Variants in TRIM72 observed in about 807,000 individuals in gnomAD.
The protein encoded by TRIM72 is tripartite motif-containing protein 72.
TRIM72 carries 33 observed loss-of-function variants against 31.6 expected under a neutral mutation model. The observed-to-expected ratio is 1.04, with a 90% CI of 0.79 to 1.40. TRIM72 has a LOEUF of 1.40. TRIM72 is among the 40% of genes most tolerant of loss of function. The probability of loss-of-function intolerance (pLI) is 0.00; values close to 1 mark genes in which losing one functional copy is unlikely to be tolerated. For synonymous variants in TRIM72, 301 were observed against 314.4 expected (o/e 0.96, Z 0.45); for missense variants, 666 against 682.7 (o/e 0.98, Z 0.27).
Position 31,215,183 on chromosome 16 carries a change from A to T in TRIM72, c.390+55A>T, listed in dbSNP as rs2079502069. 6 of 1,241,110 alleles carry T rather than the reference A, an allele frequency of 4.8e-6. No individual in the cohort carries two copies. In the East Asian group the frequency reaches 2.4e-4, roughly 50 times the overall value. 76.9% of individuals were successfully genotyped at this position (1,241,110 alleles called of 1,614,324 possible). ...GGGGCTGTTCGGTGGCACGGGGCCG[A>T]TGGGGAGGTCGCTGCAGTGATTTGG... On this transcript the variant is annotated intron_variant, in intron 2 of 6. Transcript: ENST00000322122. This position sits in a 1 kb window ranked among gnomAD's most constrained non-coding sequence, Gnocchi z 6.3.
chr16:31,214,980 T>C lies in TRIM72; in HGVS notation c.242T>C (p.Val81Ala). ...LARLVEGLAQ[V>A]PQGHCEEHLD... ...CGCCTGGTGGAGGGGCTGGCCCAGG[T>C]GCCGCAGGGCCACTGCGAGGAGCAC... is the stretch of plus-strand genomic sequence containing the variant. Residue 81 changes from valine to alanine, a missense_variant, in exon 2 of 7, where the codon GTG (valine) becomes GCG (alanine). Physicochemically the swap from Val to Ala is moderately conservative, Grantham distance 64. Coordinates refer to ENST00000322122, the MANE Select transcript of TRIM72 (RefSeq NM_001008274.4). 6.7e-7 allele frequency: 1 copy of C among 1,491,824 alleles called. No homozygotes were observed. 92.4% of individuals were successfully genotyped at this position (1,491,824 alleles called of 1,614,324 possible).
Position 31,226,506 on chromosome 16 carries a change from A to G in TRIM72, c.*1751A>G, listed in dbSNP as rs190157384. On this transcript the variant is annotated 3_prime_UTR_variant, in exon 7 of 7. Coordinates refer to ENST00000322122, the MANE Select transcript of TRIM72 (RefSeq NM_001008274.4). ...ATTCTAGGTGAATAAACAACCCTCGACTTAACTTGCTTTGCCTCTGGGATA... is the reference window on the plus strand; with the variant it reads ...ATTCTAGGTGAATAAACAACCCTCGGCTTAACTTGCTTTGCCTCTGGGATA... 4 of 152,222 alleles carry G rather than the reference A, an allele frequency of 2.6e-5. No individual in the cohort carries two copies. In the East Asian group the frequency reaches 7.7e-4, roughly 29 times the overall value. The allele number at this position is 152,222 out of a possible 1,614,324, so 9.4% of individuals were successfully genotyped here.
Position 31,224,558 on chromosome 16 carries a change from A to C in TRIM72, c.1237A>C (p.Ile413Leu), listed in dbSNP as rs761241218. 3.2e-5 allele frequency: 49 copies of C among 1,542,970 alleles called. 1 individual carries two copies. In the South Asian group the frequency reaches 5.4e-4, roughly 17 times the overall value. The change falls in exon 7 of 7, where the codon ATT (isoleucine) becomes CTT (leucine). Residue 413 changes from isoleucine (I) to leucine (L), a missense_variant. Ile to Leu is a conservative substitution (Grantham distance 5, BLOSUM62 2). Coordinates refer to ENST00000322122, the MANE Select transcript of TRIM72 (RefSeq NM_001008274.4). ...CAGCCCCGAGAGGCGGCCCACGCGC[A>C]TTGGCCTTTACCTGAGCTTCGGCGA... ...LRSPERRPTR[I>L]GLYLSFGDGV...
Position 31,224,247 on chromosome 16 carries a change from G to C in TRIM72, c.926G>C (p.Arg309Pro). ...AGCCTGGTGGTGTCTTCCTCTGGCC[G>C]CCGCGTGGAGTGCTCGGAGCAGAAG... is the stretch of plus-strand genomic sequence containing the variant. ...HPSLVVSSSG[R>P]RVECSEQKAP... Residue 309 changes from arginine to proline, a missense_variant, in exon 7 of 7, where the codon CGC (arginine) becomes CCC (proline). Transcript: ENST00000322122. The C allele has an allele frequency of 6.2e-7, 1 of 1,604,892 alleles. No homozygotes were observed. Among genetic ancestry groups the C allele is most frequent in the African/African-American group, 1.3e-5 (1 of 75,044 alleles).
Position 31,224,923 on chromosome 16 carries a change from G to A in TRIM72, c.*168G>A, listed in dbSNP as rs1376798924. 9 of 652,478 alleles carry A rather than the reference G, an allele frequency of 1.4e-5. No homozygotes were observed. Among genetic ancestry groups the A allele is most frequent in the Non-Finnish European group, 2.3e-6 (1 of 427,996 alleles). The allele number at this position is 652,478 out of a possible 1,614,324, so 40.4% of individuals were successfully genotyped here. A position where few individuals can be genotyped will look rare whatever the true frequency, so the allele number is the denominator to read the frequency against. On this transcript the variant is annotated 3_prime_UTR_variant, in exon 7 of 7. Transcript: ENST00000322122. ...AGCGTGGGGTAGGACTGGCTTGGTG[G>A]CTCATGCCTGTAATCCCAGCACTTT...
Position 31,222,943 on chromosome 16 carries a change from C to T in TRIM72, c.857C>T (p.Pro286Leu). The T allele has an allele frequency of 6.3e-7, 1 of 1,580,786 alleles. No individual in the cohort carries two copies. The highest frequency in any genetic ancestry group is 2.5e-5 in the East Asian group (1 of 40,786). Residue 286 changes from proline to leucine, a missense_variant and splice_region_variant, in exon 6 of 7, where the codon CCA (proline) becomes CTA (leucine). Pro to Leu is a moderately conservative substitution (Grantham distance 98). Transcript: ENST00000322122. ...AGGAAGATGTTCCGGGCTCTGATGC[C>T]AGGTACCGGGAGGGACTGGCTCAGG... ...VWRKMFRALM[P>L]ALEELTFDPS...
At chr16:31,220,594 A>T (rs2079529279) in intron 4 of TRIM72, among the ~76,000 whole-genome samples, 1 of 143,822 alleles carries the variant, frequency 7.0e-6, no homozygotes, top group African/African-American at 2.6e-5. Flanking sequence ...TCAGCCTCCC[A>T]AGTAGCTGGG....
Position 31,215,318 on chromosome 16 carries a change from G to C in TRIM72, c.390+190G>C, listed in dbSNP as rs555097406. On this transcript the variant is annotated intron_variant, in intron 2 of 6. Transcript: ENST00000322122. This position sits in a 1 kb window ranked among gnomAD's most constrained non-coding sequence, Gnocchi z 6.3. ...GGAGCTTAAGGCGGGGCTGGCAGAG[G>C]AAAGCCGCGCAGGGATGGAGCCTGG... is the stretch of plus-strand genomic sequence containing the variant. 6.6e-6 allele frequency among the ~76,000 whole-genome samples: 1 copy of C among 152,340 alleles called. No homozygotes were observed. Among genetic ancestry groups the C allele is most frequent in the African/African-American group, 2.4e-5 (1 of 41,584 alleles).
intron 2 of TRIM72, among the ~76,000 whole-genome samples, chr16:31,217,959 A>T (rs1161810831): frequency 6.6e-6 from 1 of 152,114 alleles, no homozygotes. Context: ...CTCCAAGCCC[A>T]TGTGTGTACA....
At chr16:31,217,909 G>A (rs543697022) in intron 2 of TRIM72, among the ~76,000 whole-genome samples, 1 of 151,970 alleles carries the variant, frequency 6.6e-6, no homozygotes, top group Non-Finnish European at 1.5e-5. Flanking sequence ...CACCACGCCC[G>A]GCCAGCAGGG....
At position 31,215,466 on chromosome 16, in the gene TRIM72, GACCAGC is replaced by G. The variant is rs2079503822; in HGVS notation, c.390+339_390+344del. Among the ~76,000 whole-genome samples the G allele has an allele frequency of 6.6e-6, 1 of 152,186 alleles. No homozygotes were observed. The highest frequency in any genetic ancestry group is 1.5e-5 in the Non-Finnish European group (1 of 68,016). ...GGCGGAGCCAGGCGGAGCAGGGACT[GACCAGC>G]CCCTGCGGCCCACGCTCGCATTCCT... On this transcript the variant is annotated intron_variant, in intron 2 of 6. Transcript: ENST00000322122. This position sits in a 1 kb window ranked among gnomAD's most constrained non-coding sequence, Gnocchi z 6.3.
At position 31,224,744 on chromosome 16, in the gene TRIM72, G is replaced by T. The variant is rs1297992366; in HGVS notation, c.1423G>T (p.Ala475Ser). Reference sequence around the variant, plus strand: ...GCTGCTGCTCGTGGGTCCCGAAGGCGCCGAGGCCTGAGCCGCCGGACGGGT... The same window carrying T: ...GCTGCTGCTCGTGGGTCCCGAAGGCTCCGAGGCCTGAGCCGCCGGACGGGT... ...QPLLLVGPEG[A>S]EA Residue 475 changes from alanine (A) to serine (S), a missense_variant, in exon 7 of 7, where the codon GCC becomes TCC. Coordinates refer to ENST00000322122, the MANE Select transcript of TRIM72 (RefSeq NM_001008274.4). The T allele has an allele frequency of 1.3e-6, 2 of 1,493,916 alleles. No homozygotes were observed. The highest frequency in any genetic ancestry group is 4.5e-5 in the Admixed American group (2 of 44,478). The allele number at this position is 1,493,916 out of a possible 1,614,324, so 92.5% of individuals were successfully genotyped here. A position where few individuals can be genotyped will look rare whatever the true frequency, so the allele number is the denominator to read the frequency against.
rs1242713341 is a variant in TRIM72 at position 31,229,714 on chromosome 16, T to C, written c.*4959T>C. 3 of 152,218 alleles carry C rather than the reference T, an allele frequency of 2.0e-5. No individual in the cohort carries two copies. Among genetic ancestry groups the C allele is most frequent in the Non-Finnish European group, 2.9e-5 (2 of 68,044 alleles). 9.4% of individuals were successfully genotyped at this position (152,218 alleles called of 1,614,324 possible). On this transcript the variant is annotated 3_prime_UTR_variant, in exon 7 of 7. Transcript: ENST00000322122. ...CCCCCAGAAACTGGCTGCCAAGACATTTCCTGTGTTTCCTGACATCTTTAG... is the reference window on the plus strand; with the variant it reads ...CCCCCAGAAACTGGCTGCCAAGACACTTCCTGTGTTTCCTGACATCTTTAG...
intron 2 of TRIM72, chr16:31,217,119 G>T: frequency 7.3e-7 from 1 of 1,365,506 alleles, no homozygotes; most frequent in Non-Finnish European, 1.0e-6. Flanking sequence ...CCCCGGGGAT[G>T]TCCCGGGAAG....
Position 31,215,122 on chromosome 16 carries a change from C to G in TRIM72, c.384C>G (p.Arg128=). The G allele has an allele frequency of 6.9e-7, 1 of 1,440,704 alleles. No individual in the cohort carries two copies. The highest frequency in any genetic ancestry group is 1.5e-5 in the African/African-American group (1 of 67,312). 89.2% of individuals were successfully genotyped at this position (1,440,704 alleles called of 1,614,324 possible). The part of the protein sequence containing the change: ...RLLPAAEAHA[R]LKTQLPQQKL... The stretch of plus-strand genomic sequence containing the variant: ...TGCCTGCCGCCGAGGCCCACGCACG[C>G]CTCAAGGTGCGGGATCCGCGCGCAT... Residue 128 remains arginine (R), a synonymous_variant, in exon 2 of 7, where the codon CGC becomes CGG. Coordinates refer to ENST00000322122, the MANE Select transcript of TRIM72 (RefSeq NM_001008274.4). The surrounding 1 kb of genome is among the most constrained non-coding windows in gnomAD (Gnocchi z 6.3).
At position 31,230,680 on chromosome 16, in the gene TRIM72, G is replaced by A. The variant is rs1467037080; in HGVS notation, c.*5925G>A. On this transcript the variant is annotated 3_prime_UTR_variant, in exon 7 of 7. Transcript: ENST00000322122. The stretch of plus-strand genomic sequence containing the variant: ...GGCGGAGCTTGCAGTGAGCCGAGAT[G>A]GCGCCACTACACTCCAGCCTGGGTG... 7.0e-6 allele frequency: 1 copy of A among 143,550 alleles called. No homozygotes were observed. The allele number at this position is 143,550 out of a possible 1,614,324, so 8.9% of individuals were successfully genotyped here.
Position 31,224,739 on chromosome 16 carries a change from A to G in TRIM72, c.1418A>G (p.Glu473Gly), listed in dbSNP as rs1326666235. The change falls in exon 7 of 7, where the codon GAA (glutamate) becomes GGA (glycine). Residue 473 changes from glutamate to glycine, a missense_variant. Physicochemically the swap from Glu to Gly is moderately conservative, Grantham distance 98 (BLOSUM62 -2). Coordinates refer to ENST00000322122, the MANE Select transcript of TRIM72 (RefSeq NM_001008274.4). ...CAGCCGCTGCTGCTCGTGGGTCCCG[A>G]AGGCGCCGAGGCCTGAGCCGCCGGA... ...NAQPLLLVGP[E>G]GAEA The G allele has an allele frequency of 1.3e-6, 2 of 1,504,464 alleles. No individual in the cohort carries two copies. The highest frequency in any genetic ancestry group is 4.3e-5 in the Admixed American group (2 of 46,566). The allele number at this position is 1,504,464 out of a possible 1,614,324, so 93.2% of individuals were successfully genotyped here.
rs2079556945 is a variant in TRIM72, at chr16:31,226,973, G to A, written c.*2218G>A. 1.3e-5 allele frequency: 2 copies of A among 152,350 alleles called. No individual in the cohort carries two copies. The highest frequency in any genetic ancestry group is 2.1e-4 in the South Asian group (1 of 4,834). The allele number at this position is 152,350 out of a possible 1,614,324, so 9.4% of individuals were successfully genotyped here. On this transcript the variant is annotated 3_prime_UTR_variant, in exon 7 of 7. Coordinates refer to ENST00000322122, the MANE Select transcript of TRIM72 (RefSeq NM_001008274.4). The stretch of plus-strand genomic sequence containing the variant: ...TGTGAGTTGGGTAAGAAAGGCCTGA[G>A]GATCTGGCAGGGGAAGGCGGCACAC...
At chr16:31,217,845 C>A (rs1171219921) in intron 2 of TRIM72, among the ~76,000 whole-genome samples, 1 of 152,150 alleles carries the variant, frequency 6.6e-6, no homozygotes, top group Admixed American at 6.5e-5. Context: ...GAACTCCTGA[C>A]CTCGTGATCC....
Sources: gnomAD v4.1 joint callset for allele counts (sites outside exome capture counted in the v4.1 genomes callset) on GRCh38, gnomAD v4.1.1 for gene constraint, Gnocchi (gnomAD v3.1) non-coding constraint, MANE v1.5 for transcripts, NCBI Gene and HGNC (gene_info 2026-07-23, HGNC 2026-07-21) for gene names.